Variants in NRXN3 observed in about 807,000 individuals in gnomAD.
NRXN3 encodes the protein neurexin III.
A neutral mutation model predicts 137.6 loss-of-function variants in NRXN3; 32 were observed. The observed-to-expected ratio is 0.23, with a 90% confidence interval of 0.18 to 0.31. NRXN3 has a LOEUF of 0.31. Ranked by LOEUF, NRXN3 falls within the 10% of genes least tolerant of loss-of-function variation. The pLI is 1.00. For synonymous variants in NRXN3, 798 were observed against 784.5 expected (o/e 1.02, Z -0.29); for missense variants, 1,574 against 2,062.5 (o/e 0.76, Z 4.59).
intron 15 of NRXN3, among the ~76,000 whole-genome samples, chr14:79,223,284 C>T (rs1168780547): frequency 6.6e-6 from 1 of 152,066 alleles, no homozygotes; most frequent in Non-Finnish European, 1.5e-5. Flanking sequence ...TGCCTTGGAG[C>T]CATGGGCATT....
At chr14:79,424,001 AC>A (rs2095619097) in intron 15 of NRXN3, among the ~76,000 whole-genome samples, 1 of 152,192 alleles carries the variant, frequency 6.6e-6, no homozygotes, top group Admixed American at 6.5e-5. Flanking sequence ...ATACTGAGTC[AC>A]AATTGCACTC....
chr14:78,582,591 G>A (rs1600820878), intron 4 of NRXN3, among the ~76,000 whole-genome samples: 5 of 152,288 alleles, frequency 3.3e-5, no homozygotes, highest in Admixed American at 3.3e-4. Flanking sequence ...GCCCCCGTCT[G>A]TGTTTCAGTC....
intron 15 of NRXN3, among the ~76,000 whole-genome samples, chr14:79,367,750 C>G (rs1185626809): frequency 6.6e-6 from 1 of 152,066 alleles, no homozygotes; most frequent in African/African-American, 2.4e-5. Flanking sequence ...ACTTTATAAC[C>G]ACACCAAGAT....
intron 15 of NRXN3, among the ~76,000 whole-genome samples, chr14:79,215,345 A>G (rs1385269550): frequency 6.6e-6 from 1 of 152,212 alleles, no homozygotes; most frequent in African/African-American, 2.4e-5. Context: ...TAAATTCAAC[A>G]GCACTTAGAA....
chr14:79,428,325 TTTTA>T (rs2095689587), intron 15 of NRXN3, among the ~76,000 whole-genome samples: 1 of 80,138 alleles, frequency 1.2e-5, no homozygotes, highest in Non-Finnish European at 3.0e-5. Context: ...TTTTTCTTTC[TTTTA>T]TTTTATTTTT....
intron 16 of NRXN3, among the ~76,000 whole-genome samples, chr14:79,658,434 G>C (rs1603370311): frequency 6.6e-6 from 1 of 152,262 alleles, no homozygotes; most frequent in African/African-American, 2.4e-5. Context: ...GAATGACAAA[G>C]AAGCCGCTAC....
chr14:79,210,127 A>G (rs1309046063), intron 15 of NRXN3, among the ~76,000 whole-genome samples: 1 of 152,180 alleles, frequency 6.6e-6, no homozygotes. Context: ...TTGGGTAACC[A>G]CCTTAATTTC....
chr14:78,251,584 A>G (rs1247132200), intron 2 of NRXN3, among the ~76,000 whole-genome samples: 1 of 152,274 alleles, frequency 6.6e-6, no homozygotes, highest in African/African-American at 2.4e-5. Context: ...ACCAGTGACC[A>G]TTCATCACAG....
At chr14:78,698,622 G>A (rs2098250411) in intron 6 of NRXN3, among the ~76,000 whole-genome samples, 2 of 151,968 alleles carry the variant, frequency 1.3e-5, no homozygotes, top group Admixed American at 6.6e-5. Context: ...AGGTAGTGTT[G>A]GCACCGAACT....
At chr14:79,822,549 G>T (rs536612161) in intron 20 of NRXN3, among the ~76,000 whole-genome samples, 1 of 151,552 alleles carries the variant, frequency 6.6e-6, no homozygotes, top group Admixed American at 6.6e-5. Context: ...ACAAACATCC[G>T]AAAAAGCAAA....
intron 6 of NRXN3, among the ~76,000 whole-genome samples, chr14:78,696,086 C>A (rs2098223172): frequency 6.6e-6 from 1 of 151,978 alleles, no homozygotes; most frequent in Non-Finnish European, 1.5e-5. Flanking sequence ...AAGCCACAGG[C>A]AGGAGAGATC....
chr14:79,402,276 T>A (rs1019634744), intron 15 of NRXN3, among the ~76,000 whole-genome samples: 1 of 152,130 alleles, frequency 6.6e-6, no homozygotes, highest in Non-Finnish European at 1.5e-5. Context: ...TCTCATTCAC[T>A]TAACAGTTTA....
intron 1 of NRXN3, among the ~76,000 whole-genome samples, chr14:78,189,681 G>A (rs1349638479): frequency 2.6e-5 from 4 of 152,114 alleles, no homozygotes; most frequent in Non-Finnish European, 4.4e-5. Context: ...CCACTTCCGG[G>A]TTTGAGCAAT....
chr14:78,796,199 A>G (rs368045458), intron 8 of NRXN3, among the ~76,000 whole-genome samples: 26 of 152,340 alleles, frequency 1.7e-4, no homozygotes, highest in Middle Eastern at 3.4e-3. Context: ...TGCGTGTCCA[A>G]TTGTCTCTTC....
intron 15 of NRXN3, among the ~76,000 whole-genome samples, chr14:79,383,359 A>ACACAC (rs1327350543): frequency 6.6e-6 from 1 of 152,086 alleles, no homozygotes; most frequent in African/African-American, 2.4e-5. Context: ...TTTCAAACCT[A>ACACAC]CACACCCTCT....
At chr14:78,523,999 C>T (rs541296927) in intron 4 of NRXN3, among the ~76,000 whole-genome samples, 5 of 152,130 alleles carry the variant, frequency 3.3e-5, no homozygotes, top group African/African-American at 7.2e-5. Flanking sequence ...CAATCAATGT[C>T]CTGGGTTCTG....
In NRXN3 at chr14:78,634,029, T is replaced by C. The variant is rs1453122247; in HGVS notation, c.758-11091T>C. 3.9e-5 allele frequency among the ~76,000 whole-genome samples: 6 copies of C among 152,302 alleles called. No homozygotes were observed. The South Asian group carries it at 8.3e-4, about 21-fold the overall frequency. ...CTCAATGGGGATTTTCTTAAAGAAC[T>C]AGCATGATTTTATTCTGCTGTGGAA... On this transcript the variant is annotated intron_variant, in intron 4 of 20. Transcript: ENST00000335750.
intron 19 of NRXN3, among the ~76,000 whole-genome samples, chr14:79,729,900 G>T (rs2098915532): frequency 6.6e-6 from 1 of 152,090 alleles, no homozygotes; most frequent in Non-Finnish European, 1.5e-5. Context: ...CACTAATTGG[G>T]CTGACTGGGC....
intron 8 of NRXN3, among the ~76,000 whole-genome samples, chr14:78,792,409 G>T (rs569920163): frequency 1.8e-4 from 28 of 151,994 alleles, no homozygotes; most frequent in Non-Finnish European, 3.2e-4. Context: ...CGCAGTTAAT[G>T]CTGATGAAAA....
Sources: gnomAD v4.1 joint callset for allele counts (sites outside exome capture counted in the v4.1 genomes callset) on GRCh38, gnomAD v4.1.1 for gene constraint, MANE v1.5 for transcripts, NCBI Gene and HGNC (gene_info 2026-07-23, HGNC 2026-07-21) for gene names.